UBXN10: variants seen among roughly 807,000 people sequenced by gnomAD.
The protein encoded by UBXN10 is UBX domain protein 10.
In UBXN10, 6 loss-of-function variants were observed where a neutral mutation model predicts 6.9. The ratio of observed to expected loss-of-function variants is 0.87; its 90% CI spans 0.48 to 1.72. The LOEUF (loss-of-function observed/expected upper bound fraction) is 1.72. UBXN10 is among the 40% of genes most tolerant of loss of function. The pLI is 0.01. For missense variants in UBXN10, 317 were observed against 348.4 expected, an observed-to-expected ratio of 0.91 and a Z score of 0.72; for synonymous variants, 131 against 135.2, an observed-to-expected ratio of 0.97 and a Z score of 0.21.
chr1:20,194,379 C>T lies in UBXN10; in HGVS notation c.*2975C>T, dbSNP rs2018565738. ...ACCAACAGATGGCAGGTGGTTATAA[C>T]ACAACAGATCTTGCCCTGAGAATAT... On this transcript the variant is annotated 3_prime_UTR_variant, in exon 2 of 2. Transcript: ENST00000375099. 13 of 167,056 alleles carry T rather than the reference C, an allele frequency of 7.8e-5. No individual in the cohort carries two copies. The allele number at this position is 167,056 out of a possible 1,614,324, so 10.3% of individuals were successfully genotyped here.
At chr1:20,186,787 G>A (rs535916405) in intron 1 of UBXN10, among the ~76,000 whole-genome samples, 1 of 150,850 alleles carries the variant, frequency 6.6e-6, no homozygotes, top group Admixed American at 6.6e-5. Context: ...CTAATCCCTA[G>A]TTTGGGGTAG....
In UBXN10 at chr1:20,195,895, TTATCTC is replaced by T. The variant is rs899173197; in HGVS notation, c.*4498_*4503del. On this transcript the variant is annotated 3_prime_UTR_variant, in exon 2 of 2. Coordinates refer to ENST00000375099, the MANE Select transcript of UBXN10 (RefSeq NM_152376.5). ...TCCTTGTTCTAGTTAAATACACTGTTTATCTCTATCTCCTGTCCTTCATCCCTCCCT... is the reference window on the plus strand; with the variant it reads ...TCCTTGTTCTAGTTAAATACACTGTTTATCTCCTGTCCTTCATCCCTCCCT... 19 of 167,208 alleles carry T rather than the reference TTATCTC, an allele frequency of 1.1e-4. No homozygotes were observed. Among genetic ancestry groups the T allele is most frequent in the African/African-American group, 4.1e-4 (17 of 41,570 alleles). The allele number at this position is 167,208 out of a possible 1,614,324, so 10.4% of individuals were successfully genotyped here. A position where few individuals can be genotyped will look rare whatever the true frequency, so the allele number is the denominator to read the frequency against.
chr1:20,192,614 C>A lies in UBXN10; in HGVS notation c.*1210C>A, dbSNP rs2018527974. On this transcript the variant is annotated 3_prime_UTR_variant, in exon 2 of 2. Coordinates refer to ENST00000375099, the MANE Select transcript of UBXN10 (RefSeq NM_152376.5). ...GCCAGACTCCATGACTCATCTGATC[C>A]CTTTTATGGCCAAATCATCCTTCAG... The A allele has an allele frequency of 6.0e-6, 1 of 167,048 alleles. No individual in the cohort carries two copies. The highest frequency in any genetic ancestry group is 2.1e-4 in the South Asian group (1 of 4,824). 10.3% of individuals were successfully genotyped at this position (167,048 alleles called of 1,614,324 possible).
chr1:20,189,101 T>C (rs780948726), intron 1 of UBXN10, among the ~76,000 whole-genome samples: 6 of 152,164 alleles, frequency 3.9e-5, no homozygotes, highest in Non-Finnish European at 7.3e-5. Context: ...GGTAGAGTGA[T>C]TGCCCCTTGA....
chr1:20,188,293 G>T (rs2018433715), intron 1 of UBXN10, among the ~76,000 whole-genome samples: 1 of 152,212 alleles, frequency 6.6e-6, no homozygotes, highest in African/African-American at 2.4e-5. Context: ...GAAAGACGAG[G>T]GAGAAGTGGA....
In UBXN10 at chr1:20,190,698, C is replaced by G; in HGVS notation, c.137C>G (p.Thr46Arg). 1 of 1,614,190 alleles carries G rather than the reference C, an allele frequency of 6.2e-7. No individual in the cohort carries two copies. Among genetic ancestry groups the G allele is most frequent in the Non-Finnish European group, 8.5e-7 (1 of 1,180,050 alleles). ...MIRPKSAKGR[T>R]RPSLQKSQGV... ...AGGCCCAAGTCCGCCAAGGGACGGA[C>G]AAGACCGAGTCTGCAGAAATCCCAG... The change falls in exon 2 of 2, where the codon ACA (threonine) becomes AGA (arginine). Residue 46 changes from threonine to arginine, a missense_variant. Physicochemically the swap from Thr to Arg is moderately conservative, Grantham distance 71. Coordinates refer to ENST00000375099, the MANE Select transcript of UBXN10 (RefSeq NM_152376.5).
intron 1 of UBXN10, among the ~76,000 whole-genome samples, chr1:20,188,374 G>A (rs1274790671): frequency 6.6e-6 from 1 of 152,190 alleles, no homozygotes; most frequent in African/African-American, 2.4e-5. Context: ...AAAGAGGGTA[G>A]CTTTGTCCAA....
chr1:20,188,902 AC>A (rs2018444252), intron 1 of UBXN10, among the ~76,000 whole-genome samples: 1 of 152,188 alleles, frequency 6.6e-6, no homozygotes, highest in Non-Finnish European at 1.5e-5. Flanking sequence ...AACGACGACA[AC>A]AAAAAACGCT....
Position 20,190,768 on chromosome 1 carries a change from C to CG in UBXN10, c.207_208insG (p.Ile70AspfsTer4). ...ATCATATACCATCTCCGCCTCCAGC[C>CG]ATTCCCTATGAGTTGCCAAGCAGCC... On this transcript the variant is annotated frameshift_variant, in exon 2 of 2. Coordinates refer to ENST00000375099, the MANE Select transcript of UBXN10 (RefSeq NM_152376.5). LOFTEE classifies it low-confidence loss of function (END_TRUNC). 1.2e-6 allele frequency: 2 copies of CG among 1,614,042 alleles called. No individual in the cohort carries two copies. The highest frequency in any genetic ancestry group is 8.5e-7 in the Non-Finnish European group (1 of 1,180,028).
Position 20,194,134 on chromosome 1 carries a change from C to T in UBXN10, c.*2730C>T, listed in dbSNP as rs2018562262. The T allele has an allele frequency of 6.0e-6, 1 of 167,168 alleles. No individual in the cohort carries two copies. The highest frequency in any genetic ancestry group is 2.4e-5 in the African/African-American group (1 of 41,462). 10.4% of individuals were successfully genotyped at this position (167,168 alleles called of 1,614,324 possible). On this transcript the variant is annotated 3_prime_UTR_variant, in exon 2 of 2. Coordinates refer to ENST00000375099, the MANE Select transcript of UBXN10 (RefSeq NM_152376.5). The stretch of plus-strand genomic sequence containing the variant: ...AAAGGACCCCAAAGTGAGGATCCCA[C>T]ATTGTTACTGCTGGCTCTTCATCCC...
intron 1 of UBXN10, 97 bp from the exon 2 acceptor site, chr1:20,190,450 T>G: frequency 6.9e-7 from 1 of 1,459,360 alleles, no homozygotes; most frequent in South Asian, 1.4e-5. Context: ...TGCCAGAAAT[T>G]TGTGCTTATT....
At chr1:20,184,241 A>G (rs907299687), upstream of UBXN10, 1 of 151,828 alleles carries the variant, frequency 6.6e-6, no homozygotes, top group African/African-American at 2.4e-5. Flanking sequence ...TGAGAAGCCA[A>G]TTTGATTCTC....
intron 1 of UBXN10, among the ~76,000 whole-genome samples, chr1:20,186,729 C>CT (rs2018403439): frequency 6.6e-6 from 1 of 152,198 alleles, no homozygotes; most frequent in South Asian, 2.1e-4. Flanking sequence ...CATTTGATCA[C>CT]TTGGTGGCTT....
chr1:20,186,540 C>G (rs1209871216), intron 1 of UBXN10: 1 of 152,404 alleles, frequency 6.6e-6, no homozygotes, highest in East Asian at 1.9e-4. Flanking sequence ...CAGTCCTGTG[C>G]TCTTTCTCTG....
chr1:20,183,417 G>A (rs2018307683), upstream of UBXN10, among the ~76,000 whole-genome samples: 1 of 152,194 alleles, frequency 6.6e-6, no homozygotes, highest in Non-Finnish European at 1.5e-5. Context: ...GGGACTCTGG[G>A]GTCCAGGGTG....
In UBXN10 at chr1:20,191,463, T is replaced by C; in HGVS notation, c.*59T>C. 6.4e-7 allele frequency: 1 copy of C among 1,551,366 alleles called. No homozygotes were observed. The highest frequency in any genetic ancestry group is 8.7e-7 in the Non-Finnish European group (1 of 1,149,920). ...TGAGCAAAGGAGCATGCTTGGGCGT[T>C]GTGGCCTCTTAGGCAGCCTGTTTCA... On this transcript the variant is annotated 3_prime_UTR_variant, in exon 2 of 2. Transcript: ENST00000375099. The surrounding 1 kb of genome is among the most constrained non-coding windows in gnomAD (Gnocchi z 4.5).
upstream of UBXN10, among the ~76,000 whole-genome samples, chr1:20,183,580 G>A (rs555400283): frequency 1.3e-5 from 2 of 152,338 alleles, no homozygotes; most frequent in African/African-American, 4.8e-5. Flanking sequence ...GACCTAGGGA[G>A]GGTGCACAGC....
chr1:20,186,020 C>T (rs1292631017), upstream of UBXN10: 2 of 149,328 alleles, frequency 1.3e-5, no homozygotes, highest in African/African-American at 2.6e-5. Context: ...CACCCGACCC[C>T]ACCCGACCCA....
chr1:20,183,693 T>C (rs772906126), upstream of UBXN10, among the ~76,000 whole-genome samples: 2 of 152,114 alleles, frequency 1.3e-5, no homozygotes, highest in East Asian at 3.9e-4. Context: ...AAGAGGTGGC[T>C]TTTAAGATGG....
Sources: gnomAD v4.1 joint callset for allele counts (sites outside exome capture counted in the v4.1 genomes callset) on GRCh38, gnomAD v4.1.1 for gene constraint, Gnocchi (gnomAD v3.1) non-coding constraint, MANE v1.5 for transcripts, NCBI Gene and HGNC (gene_info 2026-07-23, HGNC 2026-07-21) for gene names.